GRIK4: variants seen among roughly 807,000 people sequenced by gnomAD.
GRIK4 encodes the protein glutamate receptor ionotropic, kainate 4.
In GRIK4, 40 loss-of-function variants were observed where a neutral mutation model predicts 104.9. The ratio of observed to expected loss-of-function variants is 0.38; its 90% confidence interval spans 0.30 to 0.50. The LOEUF (loss-of-function observed/expected upper bound fraction) is 0.50, where lower values mean the gene tolerates loss of function less well. GRIK4 is among the 20% of genes least tolerant of loss of function. The pLI is 0.93. For synonymous variants in GRIK4, 485 were observed against 524.9 expected (o/e 0.92, Z 1.04); for missense variants, 1,047 against 1,308.1 (o/e 0.80, Z 3.08).
intron 13 of GRIK4, among the ~76,000 whole-genome samples, chr11:120,924,279 C>T (rs78636368): frequency 0.012 from 1,790 of 152,194 alleles, 43 homozygotes; most frequent in African/African-American, 0.039. Flanking sequence ...GGCTCCCTTG[C>T]GTGTGTGAGG....
chr11:120,681,713 C>T lies in GRIK4; in HGVS notation c.82+21313C>T, dbSNP rs76437337. Among the ~76,000 whole-genome samples the T allele has an allele frequency of 2.8e-3, 426 of 152,334 alleles. 2 individuals carry two copies. The highest frequency in any genetic ancestry group is 8.5e-3 in the African/African-American group (353 of 41,584). ...GTTTCCAGCTAACCTAAATCATCCCCGTCACAGGCAGCCCAGCAACCACTG... is the reference window on the plus strand; with the variant it reads ...GTTTCCAGCTAACCTAAATCATCCCTGTCACAGGCAGCCCAGCAACCACTG... On this transcript the variant is annotated intron_variant, in intron 3 of 20. Coordinates refer to ENST00000527524, the MANE Select transcript of GRIK4 (RefSeq NM_014619.5).
chr11:120,894,642 G>T (rs1469777016), intron 11 of GRIK4: 6 of 152,254 alleles, frequency 3.9e-5, no homozygotes, highest in African/African-American at 9.7e-5. Flanking sequence ...ATTATTTGAA[G>T]CAAAATCAAG....
intron 1 of GRIK4, among the ~76,000 whole-genome samples, chr11:120,607,729 G>T (rs1336635809): frequency 6.6e-6 from 1 of 152,136 alleles, no homozygotes; most frequent in African/African-American, 2.4e-5. Flanking sequence ...GGGTAGAGAT[G>T]CAGCCAAAGC....
rs1954381649 is a variant in GRIK4 at position 120,865,447 on chromosome 11, T to A, written c.906+3327T>A. 2.0e-5 allele frequency among the ~76,000 whole-genome samples: 3 copies of A among 152,388 alleles called. No homozygotes were observed. The South Asian group carries it at 6.2e-4, about 32-fold the overall frequency. The stretch of plus-strand genomic sequence containing the variant: ...AGTTGGGCAGCTCTGCTGCTCTGTC[T>A]GAGATCTCTCAGCATGCAAGGGTTG... On this transcript the variant is annotated intron_variant, in intron 9 of 20. Coordinates refer to ENST00000527524, the MANE Select transcript of GRIK4 (RefSeq NM_014619.5).
At chr11:120,645,143 G>A (rs7126187) in intron 1 of GRIK4, among the ~76,000 whole-genome samples, 21 of 104,760 alleles carry the variant, frequency 2.0e-4, no homozygotes, top group African/African-American at 7.8e-4. Context: ...GTGTGTGTGT[G>A]TGTGTATGTG....
chr11:120,797,724 ATT>A (rs1952547088), intron 3 of GRIK4, among the ~76,000 whole-genome samples: 1 of 152,168 alleles, frequency 6.6e-6, no homozygotes, highest in Admixed American at 6.5e-5. Flanking sequence ...AGAGGACAGG[ATT>A]TTAGATGTTA....
chr11:120,686,016 TGG>T (rs2135298364), intron 3 of GRIK4, among the ~76,000 whole-genome samples: 1 of 152,322 alleles, frequency 6.6e-6, no homozygotes, highest in South Asian at 2.1e-4. Context: ...TGAGGGATGT[TGG>T]GTAAATTAAT....
At chr11:120,854,758 T>C (rs924662110) in intron 8 of GRIK4, among the ~76,000 whole-genome samples, 5 of 152,236 alleles carry the variant, frequency 3.3e-5, no homozygotes, top group Non-Finnish European at 5.9e-5. Context: ...ATTATCTTTT[T>C]TGAGTCTCAC....
chr11:120,863,628 A>G (rs534605837), intron 9 of GRIK4, among the ~76,000 whole-genome samples: 20 of 152,296 alleles, frequency 1.3e-4, no homozygotes, highest in Admixed American at 1.1e-3. Flanking sequence ...AATTGGGTAC[A>G]CTCCTGGAGT....
Position 120,817,122 on chromosome 11 carries a change from C to A in GRIK4, c.345+1647C>A, listed in dbSNP as rs139850917. Reference sequence around the variant, plus strand: ...GCTCCCCATCTTCTCTCTTCTGCATCCTCTTTTTCTTTCCTCCTCTCTCCC... The same window carrying A: ...GCTCCCCATCTTCTCTCTTCTGCATACTCTTTTTCTTTCCTCCTCTCTCCC... On this transcript the variant is annotated intron_variant, in intron 5 of 20. Transcript: ENST00000527524. Among the ~76,000 whole-genome samples, 134 of 152,264 alleles carry A rather than the reference C, an allele frequency of 8.8e-4. 1 individual carries two copies. The highest frequency in any genetic ancestry group is 3.0e-3 in the African/African-American group (125 of 41,550).
At chr11:120,521,080 T>C (rs1947792309) in intron 1 of GRIK4, among the ~76,000 whole-genome samples, 1 of 149,084 alleles carries the variant, frequency 6.7e-6, no homozygotes. Context: ...TTTTTTGTTT[T>C]GTTTTGTTTT....
chr11:120,699,969 G>A (rs550152727), intron 3 of GRIK4, among the ~76,000 whole-genome samples: 3 of 152,204 alleles, frequency 2.0e-5, no homozygotes, highest in African/African-American at 7.2e-5. Context: ...CAGGTAGAAC[G>A]TTTGAGCAAA....
chr11:120,548,343 C>T (rs1948106651), intron 1 of GRIK4, among the ~76,000 whole-genome samples: 1 of 152,028 alleles, frequency 6.6e-6, no homozygotes, highest in South Asian at 2.1e-4. Context: ...TGGGCAGAGG[C>T]TCACTTACGA....
At chr11:120,554,282 G>A (rs183800470) in intron 1 of GRIK4, among the ~76,000 whole-genome samples, 5 of 152,310 alleles carry the variant, frequency 3.3e-5, no homozygotes, top group Admixed American at 6.5e-5. Context: ...TTCTAAAACC[G>A]CTCTGGATAG....
At chr11:120,935,824 C>A (rs1053739264) in intron 13 of GRIK4, among the ~76,000 whole-genome samples, 2 of 152,076 alleles carry the variant, frequency 1.3e-5, no homozygotes, top group African/African-American at 4.8e-5. Flanking sequence ...AGGTTAGTGG[C>A]CATTAAAAAT....
intron 2 of GRIK4, among the ~76,000 whole-genome samples, chr11:120,655,281 G>A (rs1949689382): frequency 6.6e-6 from 1 of 151,700 alleles, no homozygotes; most frequent in African/African-American, 2.4e-5. Flanking sequence ...AGTCCATCAG[G>A]GGATGGGACT....
chr11:120,832,319 G>A (rs965101213), intron 7 of GRIK4, among the ~76,000 whole-genome samples: 11 of 152,188 alleles, frequency 7.2e-5, no homozygotes, highest in Admixed American at 1.3e-4. Context: ...GAGGTCTGCG[G>A]GTTCCTAGGA....
chr11:120,802,945 C>T, intron 4 of GRIK4, 88 bp downstream of exon 4: 2 of 1,127,608 alleles, frequency 1.8e-6, no homozygotes, highest in East Asian at 4.8e-5. Flanking sequence ...GTCACCAGGC[C>T]TCTGAGATAT....
chr11:120,932,180 A>G (rs556597996), intron 13 of GRIK4, among the ~76,000 whole-genome samples: 9 of 147,288 alleles, frequency 6.1e-5, no homozygotes, highest in East Asian at 6.0e-4. Flanking sequence ...TTTTTTGGCA[A>G]TCTGATACTT....
Sources: allele counts gnomAD v4.1 joint callset (sites outside exome capture counted in the v4.1 genomes callset), GRCh38; gene constraint gnomAD v4.1.1; transcripts MANE v1.5; gene names NCBI Gene and HGNC (gene_info 2026-07-23, HGNC 2026-07-21).